DOCK9: variants seen among roughly 807,000 people sequenced by gnomAD.
DOCK9 encodes the protein dedicator of cytokinesis protein 9.
DOCK9 carries 89 observed loss-of-function variants against 263.3 expected under a neutral mutation model. The observed-to-expected ratio is 0.34, with a 90% CI of 0.28 to 0.40. The LOEUF is 0.40. Among genes scored for constraint, DOCK9 ranks in the 10% least tolerant of loss-of-function variants. The pLI, the probability that DOCK9 is intolerant of heterozygous loss-of-function variation, is 1.00. For missense variants in DOCK9, 2,140 were observed against 2,603.4 expected (o/e 0.82, Z 3.87); for synonymous variants, 976 against 973.1 (o/e 1.00, Z -0.06).
At chr13:98,984,431 A>T (rs1877967153) in intron 1 of DOCK9, among the ~76,000 whole-genome samples, 1 of 152,212 alleles carries the variant, frequency 6.6e-6, no homozygotes, top group South Asian at 2.1e-4. Flanking sequence ...TCTCCAAAAC[A>T]GGGCAAATAA....
Position 98,915,320 on chromosome 13 carries a change from C to A in DOCK9, c.892+9G>T. On this transcript the variant is annotated intron_variant, in intron 8 of 52. Coordinates refer to ENST00000682017, the MANE Select transcript of DOCK9 (RefSeq NM_001366683.2). ...GTGTATGTGCCTGGGGGAAGCCAAG[C>A]CTATCTACCTTCGTGAGAGTCGCCA... 6.2e-7 allele frequency: 1 copy of A among 1,612,048 alleles called. No homozygotes were observed. Among genetic ancestry groups the A allele is most frequent in the Non-Finnish European group, 8.5e-7 (1 of 1,179,044 alleles).
intron 27 of DOCK9, among the ~76,000 whole-genome samples, chr13:98,873,565 G>A (rs186978836): frequency 9.4e-4 from 143 of 152,302 alleles, no homozygotes; most frequent in African/African-American, 3.3e-3. Context: ...CGATAGCAGT[G>A]GTAGTGATGT....
At chr13:99,074,939 C>T (rs907351286) in intron 1 of DOCK9, among the ~76,000 whole-genome samples, 3 of 152,158 alleles carry the variant, frequency 2.0e-5, no homozygotes, top group Non-Finnish European at 2.9e-5. Flanking sequence ...ACACTCACCA[C>T]AAAAGCTACA....
At chr13:98,933,371 T>C (rs961620537) in intron 2 of DOCK9, among the ~76,000 whole-genome samples, 17 of 150,862 alleles carry the variant, frequency 1.1e-4, no homozygotes, top group Non-Finnish European at 1.6e-4. Context: ...ATGTTCTCAC[T>C]TGGAAAAAAA....
intron 1 of DOCK9, among the ~76,000 whole-genome samples, chr13:99,066,273 T>C (rs1409906355): frequency 7.9e-5 from 12 of 152,204 alleles, no homozygotes; most frequent in Admixed American, 7.9e-4. Context: ...CCAAGCTAAG[T>C]ATTCAGCATC....
chr13:98,852,161 G>A (rs1173171797), intron 35 of DOCK9, among the ~76,000 whole-genome samples: 1 of 152,012 alleles, frequency 6.6e-6, no homozygotes, highest in Non-Finnish European at 1.5e-5. Context: ...TATAATGCTC[G>A]CTGAAACTCA....
intron 2 of DOCK9, among the ~76,000 whole-genome samples, chr13:98,947,506 ATTTT>A (rs35004750): frequency 8.1e-6 from 1 of 123,792 alleles, no homozygotes; most frequent in Non-Finnish European, 1.6e-5. Flanking sequence ...TCTATTCAGA[ATTTT>A]TTTTTTTTTT....
chr13:98,907,430 G>A (rs1485240873), intron 9 of DOCK9, among the ~76,000 whole-genome samples: 1 of 152,122 alleles, frequency 6.6e-6, no homozygotes, highest in East Asian at 1.9e-4. Context: ...AATGAATAAA[G>A]CAAGAATAAC....
At chr13:99,071,306 C>CTT (rs71114578) in intron 1 of DOCK9, among the ~76,000 whole-genome samples, 12 of 49,326 alleles carry the variant, frequency 2.4e-4, no homozygotes, top group Non-Finnish European at 3.4e-4. Flanking sequence ...CCATGCCTGG[C>CTT]TTTTTTTTTT....
At chr13:99,042,245 CAAAAGTTAA>C (rs1218180134) in intron 1 of DOCK9, among the ~76,000 whole-genome samples, 2 of 152,194 alleles carry the variant, frequency 1.3e-5, no homozygotes, top group African/African-American at 4.8e-5. Flanking sequence ...ACTGATGCAC[CAAAAGTTAA>C]CTGCCTTGAG....
At chr13:98,930,104 A>G in intron 3 of DOCK9, 64 bp downstream of exon 3, 1 of 1,417,592 alleles carries the variant, frequency 7.1e-7, no homozygotes, top group Non-Finnish European at 9.8e-7. Context: ...TGAAATTTAA[A>G]GAAAAGGAGG....
rs140398881 is a variant in DOCK9 at position 98,995,485 on chromosome 13, C to CTTTT, written c.130-39938_130-39935dup. ...AAATAAGCCTCCTTTGAGGAAGATA[C>CTTTT]TTTTTTTTTTTTTTTTTTTTTGAGA... On this transcript the variant is annotated intron_variant, in intron 1 of 32. Transcript: ENST00000427887. Among the ~76,000 whole-genome samples, 97 of 121,448 alleles carry CTTTT rather than the reference C, an allele frequency of 8.0e-4. 1 individual carries two copies. Among genetic ancestry groups the CTTTT allele is most frequent in the East Asian group, 1.8e-3 (7 of 3,992 alleles). The allele number at this position is 121,448 out of a possible 152,430, so 79.7% of individuals were successfully genotyped here.
chr13:98,833,688 A>T (rs990136655), intron 39 of DOCK9, among the ~76,000 whole-genome samples: 2 of 152,336 alleles, frequency 1.3e-5, no homozygotes. Context: ...ATTTATTTTT[A>T]AAAAGACGTA....
intron 3 of DOCK9, 68 bp from the exon 4 acceptor site, chr13:98,925,987 G>A (rs1566983540): frequency 2.9e-6 from 4 of 1,363,562 alleles, no homozygotes; most frequent in African/African-American, 1.5e-5. Flanking sequence ...AAAACACTTG[G>A]GAAAGTTTGT....
intron 1 of DOCK9, among the ~76,000 whole-genome samples, chr13:99,057,733 T>C (rs893540983): frequency 2.0e-5 from 3 of 152,184 alleles, no homozygotes; most frequent in Non-Finnish European, 4.4e-5. Flanking sequence ...AGAAAAGCAA[T>C]TTCAAAAGCA....
intron 9 of DOCK9, among the ~76,000 whole-genome samples, chr13:98,911,393 T>A (rs538879495): frequency 6.6e-6 from 1 of 152,280 alleles, no homozygotes; most frequent in African/African-American, 2.4e-5. Context: ...ACACATTGTA[T>A]ACAGATATCA....
intron 1 of DOCK9, among the ~76,000 whole-genome samples, chr13:98,963,282 G>A (rs2058857311): frequency 6.6e-6 from 1 of 151,994 alleles, no homozygotes; most frequent in Admixed American, 6.6e-5. Context: ...AGGGTCTGGC[G>A]GCCCAACATC....
chr13:98,939,167 G>A (rs2055395674), intron 2 of DOCK9, among the ~76,000 whole-genome samples: 1 of 152,260 alleles, frequency 6.6e-6, no homozygotes, highest in African/African-American at 2.4e-5. Flanking sequence ...CAGGACAGGG[G>A]AAGATGCTTC....
chr13:98,945,857 CAG>C (rs1474561133), intron 2 of DOCK9, among the ~76,000 whole-genome samples: 2 of 152,094 alleles, frequency 1.3e-5, no homozygotes, highest in East Asian at 3.9e-4. Context: ...TGTTAAGAGA[CAG>C]GGAGAGAAAA....
Sources: gnomAD v4.1 joint callset for allele counts (sites outside exome capture counted in the v4.1 genomes callset) on GRCh38, gnomAD v4.1.1 for gene constraint, MANE v1.5 for transcripts, NCBI Gene and HGNC (gene_info 2026-07-23, HGNC 2026-07-21) for gene names.